Variants in TMEM132C observed in about 807,000 individuals in gnomAD.
The protein encoded by TMEM132C is protein phosphatase 1, regulatory subunit 152.
Under a neutral mutation model 61.4 loss-of-function variants are expected in TMEM132C, and 29 were observed. The ratio of observed to expected loss-of-function variants is 0.47; its 90% CI spans 0.35 to 0.64. TMEM132C has a LOEUF of 0.64. Among genes scored for constraint, TMEM132C ranks in the 30% least tolerant of loss-of-function variants. The pLI, the probability that TMEM132C is intolerant of heterozygous loss-of-function variation, is 0.00. For missense variants in TMEM132C, 1,408 were observed against 1,476.9 expected (o/e 0.95, Z 0.76); for synonymous variants, 656 against 633.1 (o/e 1.04, Z -0.54).
At chr12:128,349,178 A>G (rs1003752742) in intron 1 of TMEM132C, among the ~76,000 whole-genome samples, 1 of 152,010 alleles carries the variant, frequency 6.6e-6, no homozygotes, top group African/African-American at 2.4e-5. Flanking sequence ...TGATTTTTGT[A>G]TTTTTGGTAG....
chr12:128,344,592 T>C (rs1163058772), intron 1 of TMEM132C, among the ~76,000 whole-genome samples: 2 of 152,198 alleles, frequency 1.3e-5, no homozygotes, highest in African/African-American at 2.4e-5. Context: ...ATAAGAGCAA[T>C]GAAAGAGATG....
intron 1 of TMEM132C, among the ~76,000 whole-genome samples, chr12:128,410,389 A>G (rs1283184882): frequency 6.6e-6 from 1 of 152,024 alleles, no homozygotes; most frequent in Admixed American, 6.6e-5. Context: ...ACACATATAT[A>G]TGTATATGTA....
chr12:128,457,318 A>AC (rs1870379182), intron 2 of TMEM132C, among the ~76,000 whole-genome samples: 1 of 151,796 alleles, frequency 6.6e-6, no homozygotes, highest in African/African-American at 2.4e-5. Context: ...AAAAAAAAAA[A>AC]AAAACAGCGC....
At chr12:128,464,598 GAATA>G (rs1870657677) in intron 2 of TMEM132C, among the ~76,000 whole-genome samples, 1 of 152,060 alleles carries the variant, frequency 6.6e-6, no homozygotes, top group Non-Finnish European at 1.5e-5. Context: ...TATAAAAAAT[GAATA>G]AATAAGTAAA....
intron 1 of TMEM132C, among the ~76,000 whole-genome samples, chr12:128,370,226 G>GT (rs1478887367): frequency 5.3e-5 from 8 of 151,618 alleles, no homozygotes; most frequent in Non-Finnish European, 1.2e-4. Flanking sequence ...CCTTCCTGCA[G>GT]TAAGAATCTG....
intron 1 of TMEM132C, among the ~76,000 whole-genome samples, chr12:128,374,031 T>C (rs1440508608): frequency 6.6e-6 from 1 of 152,178 alleles, no homozygotes; most frequent in Non-Finnish European, 1.5e-5. Flanking sequence ...GTGCTTTAAC[T>C]TTCTCCTCTA....
intron 5 of TMEM132C, among the ~76,000 whole-genome samples, chr12:128,687,816 A>G (rs1002550428): frequency 2.0e-5 from 3 of 151,962 alleles, no homozygotes; most frequent in African/African-American, 7.3e-5. Context: ...GGCTGCAAGG[A>G]CTCTGTTTCC....
chr12:128,347,960 C>T (rs1415483368), intron 1 of TMEM132C, among the ~76,000 whole-genome samples: 1 of 152,192 alleles, frequency 6.6e-6, no homozygotes, highest in African/African-American at 2.4e-5. Flanking sequence ...ATAGGATCAG[C>T]TTGTCATTTT....
chr12:128,599,341 A>G (rs1280311461), intron 3 of TMEM132C, among the ~76,000 whole-genome samples: 1 of 152,230 alleles, frequency 6.6e-6, no homozygotes, highest in African/African-American at 2.4e-5. Context: ...TTCCTGCCTG[A>G]TGAGCAAAGA....
chr12:128,297,002 A>G (rs1472138011), intron 1 of TMEM132C, among the ~76,000 whole-genome samples: 1 of 152,108 alleles, frequency 6.6e-6, no homozygotes, highest in African/African-American at 2.4e-5. Flanking sequence ...AATAAATCCC[A>G]GGTTTTTATG....
chr12:128,565,882 AAAAAAAG>A (rs1874681009), intron 3 of TMEM132C, among the ~76,000 whole-genome samples: 4 of 151,784 alleles, frequency 2.6e-5, no homozygotes, highest in Admixed American at 2.6e-4. Flanking sequence ...GGTGAAAAAA[AAAAAAAG>A]AAAAAAGAAA....
At chr12:128,483,176 G>A (rs1452317639) in intron 2 of TMEM132C, among the ~76,000 whole-genome samples, 1 of 149,856 alleles carries the variant, frequency 6.7e-6, no homozygotes, top group African/African-American at 2.5e-5. Context: ...GCTGAGGTGG[G>A]GCGATTGCTT....
chr12:128,449,157 A>AAAAG (rs1870096594), intron 2 of TMEM132C, among the ~76,000 whole-genome samples: 2 of 150,772 alleles, frequency 1.3e-5, no homozygotes, highest in Non-Finnish European at 3.0e-5. Context: ...AAAAAAAAAA[A>AAAAG]AAAGAAATTT....
chr12:128,537,500 G>A (rs1873574563), intron 2 of TMEM132C, among the ~76,000 whole-genome samples: 1 of 152,214 alleles, frequency 6.6e-6, no homozygotes, highest in Non-Finnish European at 1.5e-5. Flanking sequence ...CTGTTGGGTA[G>A]CTTAGAATTG....
At chr12:128,419,161 C>T (rs7969632) in intron 2 of TMEM132C, among the ~76,000 whole-genome samples, 1,530 of 152,262 alleles carry the variant, frequency 0.01, 30 homozygotes, top group African/African-American at 0.034. Context: ...AACCAAAGGG[C>T]ATAGTTAGTA....
rs564081840 is a variant in TMEM132C at position 128,421,609 on chromosome 12, C to T, written c.974+5989C>T. On this transcript the variant is annotated intron_variant, in intron 2 of 8. Transcript: ENST00000435159. ...ATCATTTTCACAAAGGACGCTCTTC[C>T]GTGAGCCAAAAGAAGCAGACTGGAT... Among the ~76,000 whole-genome samples, 86 of 152,310 alleles carry T rather than the reference C, an allele frequency of 5.6e-4. 1 individual carries two copies. In the Middle Eastern group the frequency reaches 0.01, roughly 18 times the overall value.
At chr12:128,297,019 G>A (rs1871434728) in intron 1 of TMEM132C, among the ~76,000 whole-genome samples, 1 of 152,016 alleles carries the variant, frequency 6.6e-6, no homozygotes, top group Admixed American at 6.6e-5. Flanking sequence ...TATGGATGTA[G>A]GAAATACAGC....
intron 1 of TMEM132C, among the ~76,000 whole-genome samples, chr12:128,351,889 T>C (rs923674351): frequency 6.6e-6 from 1 of 152,124 alleles, no homozygotes; most frequent in African/African-American, 2.4e-5. Flanking sequence ...TACGTGTACA[T>C]GTATGTGAGT....
intron 2 of TMEM132C, among the ~76,000 whole-genome samples, chr12:128,471,873 A>G (rs1870964697): frequency 6.6e-6 from 1 of 152,198 alleles, no homozygotes; most frequent in South Asian, 2.1e-4. Flanking sequence ...AATAAAATAA[A>G]AGCTAACCAA....
Sources: gnomAD v4.1 joint callset for allele counts (sites outside exome capture counted in the v4.1 genomes callset) on GRCh38, gnomAD v4.1.1 for gene constraint, MANE v1.5 for transcripts, NCBI Gene and HGNC (gene_info 2026-07-23, HGNC 2026-07-21) for gene names.